SLC44A5: variants seen among roughly 807,000 people sequenced by gnomAD.
SLC44A5 encodes the protein solute carrier family 44 member 5.
Under a neutral mutation model 101.8 loss-of-function variants are expected in SLC44A5, and 57 were observed. The ratio of observed to expected loss-of-function variants is 0.56; its 90% CI spans 0.45 to 0.70. SLC44A5 has a LOEUF of 0.70. Ranked by LOEUF, SLC44A5 falls within the 30% of genes least tolerant of loss-of-function variation. The probability of loss-of-function intolerance (pLI) is 0.00; values close to 1 mark genes in which losing one functional copy is unlikely to be tolerated. For synonymous variants in SLC44A5, 281 were observed against 290.9 expected (o/e 0.97, Z 0.35); for missense variants, 737 against 853.1 (o/e 0.86, Z 1.70).
intron 4 of SLC44A5, among the ~76,000 whole-genome samples, chr1:75,325,734 C>G (rs1656535318): frequency 7.0e-6 from 1 of 142,488 alleles, no homozygotes. Context: ...TTTCAAGCAT[C>G]CACTGAGGGT....
chr1:75,349,800 T>C lies in SLC44A5; in HGVS notation c.53-10170A>G, dbSNP rs142714929. ...CCAAAAATTGAAATATTATGGACTTTGGTATTATTTAAAAAAAGGGTAAAA... is the reference window on the plus strand; with the variant it reads ...CCAAAAATTGAAATATTATGGACTTCGGTATTATTTAAAAAAAGGGTAAAA... On this transcript the variant is annotated intron_variant, in intron 3 of 23. Transcript: ENST00000370859. 4.8e-3 allele frequency among the ~76,000 whole-genome samples: 730 copies of C among 152,264 alleles called. 5 individuals are homozygous for C. The Middle Eastern group carries it at 0.054, about 11-fold the overall frequency.
rs547641876 is a variant in SLC44A5 at position 75,308,612 on chromosome 1, TTG to T, written c.102-7929_102-7928del. 1.5e-3 allele frequency among the ~76,000 whole-genome samples: 222 copies of T among 152,328 alleles called. 1 individual carries two copies. Among genetic ancestry groups the T allele is most frequent in the African/African-American group, 5.1e-3 (214 of 41,578 alleles). ...TACTGCTTATATTACAGGTGGGGCA[TTG>T]TAGACCAAAGGCACTACACAGCAGG... On this transcript the variant is annotated intron_variant, in intron 4 of 23. Coordinates refer to ENST00000370859, the MANE Select transcript of SLC44A5 (RefSeq NM_001130058.2).
rs75536384 is a variant in SLC44A5, at chr1:75,421,103, C to T, written c.14-24482G>A. ...TTTTCAAATATATTATAATATGGTCCACTTCAAATTTTGCCCTTTCAAAGC... is the reference window on the plus strand; with the variant it reads ...TTTTCAAATATATTATAATATGGTCTACTTCAAATTTTGCCCTTTCAAAGC... On this transcript the variant is annotated intron_variant, in intron 2 of 23. Transcript: ENST00000370859. Among the ~76,000 whole-genome samples the T allele has an allele frequency of 5.4e-3, 827 of 151,958 alleles. 7 individuals are homozygous for T. Among genetic ancestry groups the T allele is most frequent in the African/African-American group, 0.019 (794 of 41,442 alleles).
intron 3 of SLC44A5, among the ~76,000 whole-genome samples, chr1:75,387,241 A>G (rs1395258308): frequency 6.6e-6 from 1 of 152,116 alleles, no homozygotes; most frequent in African/African-American, 2.4e-5. Context: ...GCTTCTGCGC[A>G]GCAAAAGAAA....
intron 6 of SLC44A5, among the ~76,000 whole-genome samples, chr1:75,262,993 C>A (rs893900979): frequency 6.6e-6 from 1 of 152,000 alleles, no homozygotes; most frequent in Admixed American, 6.6e-5. Flanking sequence ...TATGGATTAA[C>A]GACTTAAAAA....
intron 2 of SLC44A5, among the ~76,000 whole-genome samples, chr1:75,454,501 C>T (rs548673294): frequency 6.6e-6 from 1 of 152,104 alleles, no homozygotes; most frequent in South Asian, 2.1e-4. Context: ...ACAAAGATGC[C>T]CACTTTTACC....
intron 2 of SLC44A5, among the ~76,000 whole-genome samples, chr1:75,509,091 A>C (rs1320116649): frequency 1.3e-5 from 2 of 152,218 alleles, no homozygotes; most frequent in Admixed American, 1.3e-4. Context: ...GGGCCTTCAG[A>C]AGCAGTTGAT....
rs532086701 is a variant in SLC44A5, at chr1:75,571,232, A to G, written c.-69-29716T>C. Among the ~76,000 whole-genome samples, 101 of 152,318 alleles carry G rather than the reference A, an allele frequency of 6.6e-4. 1 individual carries two copies. Among genetic ancestry groups the G allele is most frequent in the African/African-American group, 2.4e-3 (98 of 41,572 alleles). ...TGAATAAGAAAATGATCTTAGATTA[A>G]AACATATAATTTAAGAGAAGTCTTA... On this transcript the variant is annotated intron_variant, in intron 1 of 23. Transcript: ENST00000370859.
intron 1 of SLC44A5, among the ~76,000 whole-genome samples, chr1:75,562,247 C>T (rs984375169): frequency 6.6e-6 from 1 of 151,856 alleles, no homozygotes; most frequent in Non-Finnish European, 1.5e-5. Context: ...TTTTTTTCTA[C>T]CCCAGATCCA....
chr1:75,481,558 GA>G (rs982366122), intron 2 of SLC44A5, among the ~76,000 whole-genome samples: 3 of 147,326 alleles, frequency 2.0e-5, no homozygotes, highest in Non-Finnish European at 3.0e-5. Context: ...AAATTTACAA[GA>G]AAAAAACAAA....
intron 2 of SLC44A5, among the ~76,000 whole-genome samples, chr1:75,453,822 A>G (rs1382950921): frequency 6.6e-6 from 1 of 152,130 alleles, no homozygotes; most frequent in Non-Finnish European, 1.5e-5. Flanking sequence ...ATGCCTTGAA[A>G]CACACATTCT....
At chr1:75,370,336 AT>A (rs920082540) in intron 3 of SLC44A5, among the ~76,000 whole-genome samples, 2 of 152,188 alleles carry the variant, frequency 1.3e-5, no homozygotes, top group African/African-American at 4.8e-5. Context: ...AGTTAAAATA[AT>A]TTTTTCCACT....
chr1:75,246,348 A>G (rs1249026315), intron 7 of SLC44A5, among the ~76,000 whole-genome samples: 3 of 152,108 alleles, frequency 2.0e-5, no homozygotes, highest in African/African-American at 4.8e-5. Flanking sequence ...TTTGTAGAGT[A>G]CAGTGGAAAA....
At chr1:75,481,355 A>G (rs1667834132) in intron 2 of SLC44A5, among the ~76,000 whole-genome samples, 1 of 152,234 alleles carries the variant, frequency 6.6e-6, no homozygotes. Context: ...CAAGGACTTC[A>G]TATCTAAAAC....
At chr1:75,425,941 G>A (rs565167471) in intron 2 of SLC44A5, among the ~76,000 whole-genome samples, 6 of 152,194 alleles carry the variant, frequency 3.9e-5, no homozygotes, top group South Asian at 4.2e-4. Context: ...ATTTTAAAAC[G>A]CTTTTTCTTC....
At chr1:75,339,489 T>C in intron 4 of SLC44A5, 93 bp downstream of exon 4, 1 of 962,454 alleles carries the variant, frequency 1.0e-6, no homozygotes, top group Non-Finnish European at 1.6e-6. Context: ...GTAGACACAA[T>C]TCTCCACTGA....
At chr1:75,410,119 T>C (rs1212818208) in intron 2 of SLC44A5, among the ~76,000 whole-genome samples, 1 of 152,080 alleles carries the variant, frequency 6.6e-6, no homozygotes, top group African/African-American at 2.4e-5. Context: ...TTATAGAGAG[T>C]ATATGTTATA....
At chr1:75,653,398 C>T in the SLC44A5 span, among the ~76,000 whole-genome samples, 1 of 152,116 alleles carries the variant, frequency 6.6e-6, no homozygotes, top group African/African-American at 2.4e-5. Flanking sequence ...AGGAGAATCA[C>T]TTGAATCCGG....
chr1:75,545,543 G>C (rs1385944523), intron 1 of SLC44A5, among the ~76,000 whole-genome samples: 1 of 152,174 alleles, frequency 6.6e-6, no homozygotes, highest in African/African-American at 2.4e-5. Context: ...AGTATAACAT[G>C]TCAGGGATCA....
Sources: gnomAD v4.1 joint callset for allele counts (sites outside exome capture counted in the v4.1 genomes callset) on GRCh38, gnomAD v4.1.1 for gene constraint, MANE v1.5 for transcripts, NCBI Gene and HGNC (gene_info 2026-07-23, HGNC 2026-07-21) for gene names.